The following OSBP variants were observed in gnomAD, a reference collection of about 807,000 sequenced individuals.
OSBP encodes oxysterol binding protein.
Under a neutral mutation model 96.6 loss-of-function variants are expected in OSBP, and 32 were observed. The ratio of observed to expected loss-of-function variants is 0.33; its 90% CI spans 0.25 to 0.45. OSBP has a LOEUF of 0.45. Among genes scored for constraint, OSBP ranks in the 20% least tolerant of loss-of-function variants. The pLI is 1.00. For missense variants in OSBP, 653 were observed against 1,029.7 expected (o/e 0.63, Z 5.01); for synonymous variants, 369 against 389.6 (o/e 0.95, Z 0.62).
chr11:59,586,039 C>T (rs894780812), intron 9 of OSBP, among the ~76,000 whole-genome samples: 5 of 152,036 alleles, frequency 3.3e-5, no homozygotes, highest in South Asian at 2.1e-4. Context: ...TGGAAGGCCG[C>T]GGGGTCCTCT....
intron 6 of OSBP, 53 bp from the exon 7 acceptor site, chr11:59,600,680 A>G (rs1860712438): frequency 7.5e-6 from 12 of 1,591,746 alleles, no homozygotes; most frequent in Non-Finnish European, 1.0e-5. Context: ...AAAACCTGGT[A>G]TTTATAACCT....
intron 7 of OSBP, among the ~76,000 whole-genome samples, chr11:59,595,742 C>G (rs1445758905): frequency 6.6e-6 from 1 of 151,546 alleles, no homozygotes; most frequent in Non-Finnish European, 1.5e-5. Flanking sequence ...CAGTTTGAGA[C>G]CAGCCTGGGA....
intron 9 of OSBP, among the ~76,000 whole-genome samples, chr11:59,589,682 C>T (rs909840165): frequency 6.6e-6 from 1 of 151,650 alleles, no homozygotes; most frequent in South Asian, 2.1e-4. Context: ...TCCTAGAACT[C>T]GATGAAGAAA....
chr11:59,609,080 A>G (rs1443630651), intron 2 of OSBP, among the ~76,000 whole-genome samples: 1 of 152,238 alleles, frequency 6.6e-6, no homozygotes, highest in Non-Finnish European at 1.5e-5. Context: ...ACAGAATGGA[A>G]AAGCTGAAAG....
chr11:59,593,942 G>A, intron 8 of OSBP, 68 bp downstream of exon 8: 2 of 1,578,880 alleles, frequency 1.3e-6, no homozygotes, highest in Non-Finnish European at 8.6e-7. Context: ...ATAAGACCCA[G>A]GGGATTAACC....
Position 59,600,887 on chromosome 11 carries a change from A to C in OSBP, c.1125-14T>G, listed in dbSNP as rs1170021281. On this transcript the variant is annotated splice_polypyrimidine_tract_variant and intron_variant, in intron 5 of 13. Transcript: ENST00000263847. ...CTGCCAGTACGTCTGTACAGATGGG[A>C]AACACAGGAGAATTAGAACAAAGAC... is the stretch of plus-strand genomic sequence containing the variant. 1 of 1,611,320 alleles carries C rather than the reference A, an allele frequency of 6.2e-7. No homozygotes were observed. Among genetic ancestry groups the C allele is most frequent in the Non-Finnish European group, 8.5e-7 (1 of 1,177,514 alleles).
At chr11:59,606,228 C>T (rs1161722786) in intron 3 of OSBP, among the ~76,000 whole-genome samples, 1 of 152,106 alleles carries the variant, frequency 6.6e-6, no homozygotes, top group Admixed American at 6.5e-5. Flanking sequence ...TCGTGGAACA[C>T]AGCTCATGCT....
intron 3 of OSBP, among the ~76,000 whole-genome samples, chr11:59,606,669 C>T (rs1418430565): frequency 2.0e-5 from 3 of 152,178 alleles, no homozygotes; most frequent in Non-Finnish European, 4.4e-5. Flanking sequence ...ACACGTGCCC[C>T]TTGAATCAAA....
At chr11:59,584,532 G>A (rs965781735) in intron 9 of OSBP, among the ~76,000 whole-genome samples, 1 of 152,026 alleles carries the variant, frequency 6.6e-6, no homozygotes. Flanking sequence ...AGAATGAAGG[G>A]CGAAAAAACA....
chr11:59,609,713 A>AT (rs1285605876), intron 2 of OSBP, among the ~76,000 whole-genome samples: 2 of 152,168 alleles, frequency 1.3e-5, no homozygotes, highest in Admixed American at 6.5e-5. Context: ...AACTATCAAT[A>AT]TATCAGGAGA....
chr11:59,587,316 C>T (rs1480861023), intron 9 of OSBP, among the ~76,000 whole-genome samples: 1 of 152,020 alleles, frequency 6.6e-6, no homozygotes, highest in East Asian at 1.9e-4. Context: ...GCCTGACCAA[C>T]ATGGTGAAAC....
intron 9 of OSBP, among the ~76,000 whole-genome samples, chr11:59,587,281 A>C (rs915369071): frequency 6.6e-6 from 1 of 152,184 alleles, no homozygotes; most frequent in Non-Finnish European, 1.5e-5. Flanking sequence ...CAGGCAGATC[A>C]CTTGAGGTCA....
intron 9 of OSBP, among the ~76,000 whole-genome samples, chr11:59,589,609 T>A (rs372933300): frequency 4.6e-4 from 69 of 151,070 alleles, no homozygotes; most frequent in African/African-American, 9.2e-4. Context: ...TCAAAAAAAA[T>A]AAATAAATAA....
At chr11:59,604,588 GC>G (rs1860757471) in intron 3 of OSBP, among the ~76,000 whole-genome samples, 1 of 152,038 alleles carries the variant, frequency 6.6e-6, no homozygotes, top group African/African-American at 2.4e-5. Context: ...TGTAGTCCCA[GC>G]TACTTGGGAG....
At position 59,615,481 on chromosome 11, in the gene OSBP, C is replaced by A. The variant is rs550652114; in HGVS notation, c.184G>T (p.Ala62Ser). The A allele has an allele frequency of 8.5e-4, 1,036 of 1,214,708 alleles. 6 individuals are homozygous for A. In the African/African-American group the frequency reaches 0.013, roughly 15 times the overall value. 75.2% of individuals were successfully genotyped at this position (1,214,708 alleles called of 1,614,324 possible). ...AAAAGGPGPG[A>S]GGVAAAGPAP... ...GGGCCAGCCGCCGCCACTCCCCCGG[C>A]CCCCGGGCCCGGGCCTCCCGCCGCC... The change falls in exon 1 of 14, where the codon GCC (alanine) becomes TCC (serine). Residue 62 changes from alanine to serine, a missense_variant. This residue lies in a region of OSBP where 151 missense variants were observed against 146.1 expected (regional missense o/e 1.03). Coordinates refer to ENST00000263847, the MANE Select transcript of OSBP (RefSeq NM_002556.3).
chr11:59,578,026 G>A (rs1228421309), intron 12 of OSBP, 123 bp downstream of exon 12: 1 of 857,388 alleles, frequency 1.2e-6, no homozygotes, highest in African/African-American at 1.7e-5. Context: ...CTCTCCAAAA[G>A]TCTCAATTTC....
In OSBP at chr11:59,578,181, G is replaced by T; in HGVS notation, c.2028C>A (p.Ser676Arg). The change falls in exon 12 of 14, where the codon AGC becomes AGA. Residue 676 changes from serine to arginine, a missense_variant. This residue lies in a region of OSBP where 169 missense variants were observed against 251.5 expected (regional missense o/e 0.67). Coordinates refer to ENST00000263847, the MANE Select transcript of OSBP (RefSeq NM_002556.3). The stretch of plus-strand genomic sequence containing the variant: ...GATTCCTTTTCCACAGCATGACCCT[G>T]CTTTCCTCTGCTTCATGGCCTCTCT... ...ARQRGHEAEE[S>R]RVMLWKRNPL... 6.2e-7 allele frequency: 1 copy of T among 1,614,200 alleles called. No individual in the cohort carries two copies. The highest frequency in any genetic ancestry group is 8.5e-7 in the Non-Finnish European group (1 of 1,180,038).
intron 3 of OSBP, among the ~76,000 whole-genome samples, chr11:59,603,529 GTTT>G (rs370609645): frequency 1.2e-4 from 10 of 86,766 alleles, no homozygotes; most frequent in African/African-American, 2.2e-4. Context: ...ATCACCTTCA[GTTT>G]TTTTTTTTTT....
chr11:59,575,764 A>G lies in OSBP; in HGVS notation c.*813T>C, dbSNP rs569812762. The G allele has an allele frequency of 6.6e-6, 1 of 152,394 alleles. No homozygotes were observed. Among genetic ancestry groups the G allele is most frequent in the South Asian group, 2.1e-4 (1 of 4,824 alleles). The allele number at this position is 152,394 out of a possible 1,614,324, so 9.4% of individuals were successfully genotyped here. ...TGGCATTAAGGGGGGTTGGGAAAGC[A>G]AAAGTGGCTAGTAGTCTTTTTCCAT... On this transcript the variant is annotated 3_prime_UTR_variant, in exon 14 of 14. Coordinates refer to ENST00000263847, the MANE Select transcript of OSBP (RefSeq NM_002556.3).
Sources: allele counts gnomAD v4.1 joint callset (sites outside exome capture counted in the v4.1 genomes callset), GRCh38; gene constraint gnomAD v4.1.1; regional missense constraint gnomAD v4.1.1; transcripts MANE v1.5; gene names NCBI Gene and HGNC (gene_info 2026-07-23, HGNC 2026-07-21).